The following PLCB4 variants were observed in gnomAD, a reference collection of about 807,000 sequenced individuals.
The protein encoded by PLCB4 is phospholipase C beta 4.
PLCB4 carries 77 observed loss-of-function variants against 178.8 expected under a neutral mutation model. That is an observed-to-expected ratio of 0.43 (90% CI 0.36 to 0.52). PLCB4 has a LOEUF of 0.52. Ranked by LOEUF, PLCB4 falls within the 20% of genes least tolerant of loss-of-function variation. The probability of loss-of-function intolerance (pLI) is 0.00; values close to 1 mark genes in which losing one functional copy is unlikely to be tolerated. For synonymous variants in PLCB4, 496 were observed against 490.8 expected (o/e 1.01, Z -0.14); for missense variants, 1,024 against 1,453.4 (o/e 0.70, Z 4.80).
rs572225892 is a variant in PLCB4, at chr20:9,169,703, C to G, written c.-78-47687C>G. ...TGGGCAGTGGGGTGTTGGTGTGATACTCCAAATTCTTCAGTGATTCCTTCC... is the reference window on the plus strand; with the variant it reads ...TGGGCAGTGGGGTGTTGGTGTGATAGTCCAAATTCTTCAGTGATTCCTTCC... On this transcript the variant is annotated intron_variant, in intron 2 of 39. Transcript: ENST00000378473. 2.0e-5 allele frequency among the ~76,000 whole-genome samples: 3 copies of G among 152,246 alleles called. No homozygotes were observed. In the South Asian group the frequency reaches 6.2e-4, roughly 32 times the overall value.
intron 2 of PLCB4, among the ~76,000 whole-genome samples, chr20:9,183,220 G>A (rs2093275667): frequency 6.6e-6 from 1 of 152,118 alleles, no homozygotes; most frequent in Non-Finnish European, 1.5e-5. Context: ...GTGCTGTATT[G>A]TTGGTGTCCC....
intron 3 of PLCB4, among the ~76,000 whole-genome samples, chr20:9,289,600 C>T (rs1346199687): frequency 1.3e-5 from 2 of 151,918 alleles, no homozygotes; most frequent in African/African-American, 2.4e-5. Flanking sequence ...ATTAAACTAC[C>T]TCTTATTAAA....
chr20:9,113,563 T>C (rs1267199959), intron 2 of PLCB4, among the ~76,000 whole-genome samples: 2 of 152,224 alleles, frequency 1.3e-5, no homozygotes, highest in East Asian at 3.8e-4. Flanking sequence ...GATCACATAT[T>C]ACGAGACACA....
rs951893741 is a variant in PLCB4 at position 9,472,940 on chromosome 20, T to C, written c.3408+93T>C. Reference sequence around the variant, plus strand: ...CCAGATCTCTAGCTAATTTGTTTAATTTGATTTTTCTGTACATTAAACATT... The same window carrying C: ...CCAGATCTCTAGCTAATTTGTTTAACTTGATTTTTCTGTACATTAAACATT... On this transcript the variant is annotated intron_variant, in intron 37 of 39. Coordinates refer to ENST00000378473, the MANE Select transcript of PLCB4 (RefSeq NM_001377142.1). The C allele has an allele frequency of 1.2e-5, 9 of 720,192 alleles. No homozygotes were observed. In the Admixed American group the frequency reaches 2.1e-4, roughly 17 times the overall value. The allele number at this position is 720,192 out of a possible 1,614,324, so 44.6% of individuals were successfully genotyped here.
At chr20:9,181,058 G>T (rs1409658871) in intron 2 of PLCB4, among the ~76,000 whole-genome samples, 1 of 152,168 alleles carries the variant, frequency 6.6e-6, no homozygotes, top group South Asian at 2.1e-4. Context: ...TGGAAACTAT[G>T]ACCTTAACCA....
intron 3 of PLCB4, among the ~76,000 whole-genome samples, chr20:9,307,191 C>G (rs993537910): frequency 1.3e-5 from 2 of 152,110 alleles, no homozygotes; most frequent in African/African-American, 4.8e-5. Context: ...CCAGGGACCC[C>G]CTATGAGCTG....
At chr20:9,361,212 G>A (rs1839541811) in intron 7 of PLCB4, among the ~76,000 whole-genome samples, 1 of 152,184 alleles carries the variant, frequency 6.6e-6, no homozygotes, top group Non-Finnish European at 1.5e-5. Context: ...TAACTTATTT[G>A]TGTATCAATA....
intron 7 of PLCB4, among the ~76,000 whole-genome samples, chr20:9,347,297 A>G (rs1272192185): frequency 6.6e-6 from 1 of 152,176 alleles, no homozygotes; most frequent in Non-Finnish European, 1.5e-5. Flanking sequence ...TTTCATGTCC[A>G]TTTAATACTA....
intron 2 of PLCB4, among the ~76,000 whole-genome samples, chr20:9,132,459 G>A (rs138606157): frequency 3.9e-5 from 6 of 152,198 alleles, no homozygotes; most frequent in Non-Finnish European, 5.9e-5. Flanking sequence ...GAATTATGAA[G>A]AAAAGAGCAG....
intron 3 of PLCB4, among the ~76,000 whole-genome samples, chr20:9,289,680 G>GT (rs1032417246): frequency 3.6e-4 from 54 of 152,092 alleles, no homozygotes; most frequent in Non-Finnish European, 6.3e-4. Context: ...TCTTTAGAGT[G>GT]TTTTTTTACT....
chr20:9,459,127 T>A (rs900745328), intron 34 of PLCB4, among the ~76,000 whole-genome samples: 4 of 152,240 alleles, frequency 2.6e-5, no homozygotes, highest in African/African-American at 4.8e-5. Context: ...GTGGATCACC[T>A]GAGATCGGGA....
chr20:9,419,679 G>A, intron 25 of PLCB4, 128 bp from the exon 26 acceptor site: 1 of 695,712 alleles, frequency 1.4e-6, no homozygotes, highest in Non-Finnish European at 2.6e-6. Flanking sequence ...CCATCCTTAG[G>A]ACCCTCTGCC....
At chr20:9,468,374 T>C (rs942598520) in intron 35 of PLCB4, among the ~76,000 whole-genome samples, 197 bp from the exon 36 acceptor site, 4 of 152,212 alleles carry the variant, frequency 2.6e-5, no homozygotes, top group Admixed American at 1.3e-4. Flanking sequence ...GCTTAAATTA[T>C]GTCTATATAT....
intron 3 of PLCB4, among the ~76,000 whole-genome samples, chr20:9,306,315 C>T (rs566917642): frequency 2.0e-5 from 3 of 152,200 alleles, no homozygotes; most frequent in South Asian, 4.2e-4. Flanking sequence ...CCATGTTGGC[C>T]AGGCTGGTCT....
At position 9,246,280 on chromosome 20, in the gene PLCB4, A is replaced by G. The variant is rs139908577; in HGVS notation, c.-16+28828A>G. Among the ~76,000 whole-genome samples, 3 of 152,266 alleles carry G rather than the reference A, an allele frequency of 2.0e-5. No individual in the cohort carries two copies. The East Asian group carries it at 5.8e-4, about 29-fold the overall frequency. On this transcript the variant is annotated intron_variant, in intron 3 of 39. Transcript: ENST00000378473. The stretch of plus-strand genomic sequence containing the variant: ...CATAATCTCTATGCTCTGAATCACC[A>G]TTCAGTTTCTCCCTTACCACTATAC...
chr20:9,346,080 A>G (rs1029966935), intron 7 of PLCB4, among the ~76,000 whole-genome samples: 1 of 152,206 alleles, frequency 6.6e-6, no homozygotes, highest in Non-Finnish European at 1.5e-5. Context: ...CATTACCCCA[A>G]GGGATCAGAG....
At chr20:9,214,163 C>A (rs2093702992) in intron 2 of PLCB4, among the ~76,000 whole-genome samples, 2 of 152,168 alleles carry the variant, frequency 1.3e-5, no homozygotes, top group Non-Finnish European at 2.9e-5. Flanking sequence ...TTTGGTGTCA[C>A]ACCTAAGAAA....
intron 26 of PLCB4, among the ~76,000 whole-genome samples, chr20:9,420,142 C>G (rs1033164699): frequency 1.3e-5 from 2 of 151,900 alleles, no homozygotes; most frequent in African/African-American, 4.8e-5. Flanking sequence ...TCCATTTATA[C>G]AAAATTCTAG....
At chr20:9,360,974 C>A (rs1174608152) in intron 7 of PLCB4, among the ~76,000 whole-genome samples, 1 of 151,952 alleles carries the variant, frequency 6.6e-6, no homozygotes, top group East Asian at 1.9e-4. Context: ...AACAAACAAA[C>A]AAAAAAACCC....
Sources: gnomAD v4.1 joint callset for allele counts (sites outside exome capture counted in the v4.1 genomes callset) on GRCh38, gnomAD v4.1.1 for gene constraint, MANE v1.5 for transcripts, NCBI Gene and HGNC (gene_info 2026-07-23, HGNC 2026-07-21) for gene names.